Variants in SETD1B observed in about 807,000 individuals in gnomAD.
The protein encoded by SETD1B is SET domain containing 1B, histone lysine methyltransferase, also known as histone-lysine N-methyltransferase SETD1B.
A neutral mutation model predicts 148.0 loss-of-function variants in SETD1B; 7 were observed. That is an observed-to-expected ratio of 0.05 (90% CI 0.03 to 0.09). The LOEUF (loss-of-function observed/expected upper bound fraction) is 0.09, where lower values mean the gene tolerates loss of function less well. SETD1B is among the 10% of genes least tolerant of loss of function. The pLI, the probability that SETD1B is intolerant of heterozygous loss-of-function variation, is 1.00. For missense variants in SETD1B, 2,155 were observed against 2,729.9 expected (o/e 0.79, Z 4.69); for synonymous variants, 1,361 against 1,186.5 (o/e 1.15, Z -3.02).
chr12:121,805,755 CGGGCG>C lies in SETD1B; in HGVS notation c.274-71_274-67del. On this transcript the variant is annotated intron_variant, in intron 3 of 16. Coordinates refer to ENST00000604567, the MANE Select transcript of SETD1B (RefSeq NM_001353345.2). This position sits in a 1 kb window ranked among gnomAD's most constrained non-coding sequence, Gnocchi z 4.2. ...TTGTTTTCAACGGGTGGGCGAGTTG[CGGGCG>C]GGGCGGGGGGGATGTTGTGTTTTCC... is the stretch of plus-strand genomic sequence containing the variant. The C allele has an allele frequency of 7.5e-7, 1 of 1,326,206 alleles. No homozygotes were observed. The highest frequency in any genetic ancestry group is 1.0e-6 in the Non-Finnish European group (1 of 993,362). The allele number at this position is 1,326,206 out of a possible 1,614,324, so 82.2% of individuals were successfully genotyped here.
chr12:121,807,557 A>C (rs1437032022), intron 4 of SETD1B, among the ~76,000 whole-genome samples: 1 of 152,094 alleles, frequency 6.6e-6, no homozygotes, highest in Admixed American at 6.5e-5. Flanking sequence ...TAGCTCCAGG[A>C]ACGTGTCTTT....
intron 12 of SETD1B, among the ~76,000 whole-genome samples, chr12:121,823,986 A>T (rs1876715038): frequency 1.3e-5 from 2 of 152,342 alleles, no homozygotes; most frequent in Middle Eastern, 6.8e-3. Flanking sequence ...CCCCAGAGTT[A>T]GCAGGTCTCA....
chr12:121,817,812 A>G lies in SETD1B; in HGVS notation c.3326A>G (p.Asp1109Gly). 2 of 1,550,336 alleles carry G rather than the reference A, an allele frequency of 1.3e-6. No individual in the cohort carries two copies. Among genetic ancestry groups the G allele is most frequent in the Non-Finnish European group, 1.7e-6 (2 of 1,146,304 alleles). The part of the protein sequence containing the change: ...SSTSDKDDDD[D>G]DSDDRDESEN... Reference sequence around the variant, plus strand: ...CTTCTCCCCCAGGATGACGACGATGACGACAGTGATGACCGGGACGAGTCT... The same window carrying G: ...CTTCTCCCCCAGGATGACGACGATGGCGACAGTGATGACCGGGACGAGTCT... The change falls in exon 10 of 17, where the codon GAC (aspartate) becomes GGC (glycine). Residue 1109 changes from aspartate (D) to glycine (G), a missense_variant. Physicochemically the swap from Asp to Gly is moderately conservative, Grantham distance 94. Coordinates refer to ENST00000604567, the MANE Select transcript of SETD1B (RefSeq NM_001353345.2). This position sits in a 1 kb window ranked among gnomAD's most constrained non-coding sequence, Gnocchi z 8.1.
chr12:121,803,798 A>T (rs1875538019), upstream of SETD1B: 2 of 150,978 alleles, frequency 1.3e-5, no homozygotes, highest in Admixed American at 1.3e-4. The surrounding 1 kb of genome is among the most constrained non-coding windows in gnomAD (Gnocchi z 4.7). Flanking sequence ...AAAAATAAAT[A>T]AATTAAAAGG....
At chr12:121,819,198 C>G (rs181957159) in intron 10 of SETD1B, among the ~76,000 whole-genome samples, 1 of 152,094 alleles carries the variant, frequency 6.6e-6, no homozygotes, top group African/African-American at 2.4e-5. Context: ...GAGCCGAGAT[C>G]GTGCCACTGC....
At chr12:121,815,859 A>C (rs940754723) in intron 7 of SETD1B, among the ~76,000 whole-genome samples, 3 of 116,424 alleles carry the variant, frequency 2.6e-5, no homozygotes, top group Admixed American at 2.3e-4. Flanking sequence ...ATGGAGTCTC[A>C]CTCTGTCACC....
chr12:121,827,400 T>C, intron 13 of SETD1B, 119 bp from the exon 14 acceptor site: 1 of 1,261,366 alleles, frequency 7.9e-7, no homozygotes, highest in Non-Finnish European at 1.1e-6. Context: ...GACCGACAGG[T>C]GTGGAGAAGC....
chr12:121,790,934 C>T, the SETD1B span, among the ~76,000 whole-genome samples: 5 of 152,226 alleles, frequency 3.3e-5, no homozygotes, highest in East Asian at 5.8e-4. Flanking sequence ...AGTGCAGTAG[C>T]GTGATCTTGA....
the SETD1B span, chr12:121,797,226 C>T: frequency 5.6e-6 from 2 of 357,898 alleles, no homozygotes; most frequent in Admixed American, 3.8e-5. Flanking sequence ...CACGCTAGGG[C>T]TCCGGGCGGA....
In SETD1B at chr12:121,817,131, G is replaced by A. The variant is rs1011776632; in HGVS notation, c.2814G>A (p.Lys938=). 2 of 1,548,932 alleles carry A rather than the reference G, an allele frequency of 1.3e-6. No homozygotes were observed. The highest frequency in any genetic ancestry group is 2.4e-5 in the East Asian group (1 of 40,912). Residue 938 remains lysine (K), a synonymous_variant, in exon 8 of 17, where the codon AAG becomes AAA. Transcript: ENST00000604567. The surrounding 1 kb of genome is among the most constrained non-coding windows in gnomAD (Gnocchi z 8.1). ...IASCLLESWG[K]GEGLGYEGLG... is the part of the protein sequence containing the mutation. ...CGTGCCTGCTGGAGTCATGGGGCAAGGGCGAGGGCCTGGGCTACGAGGGCC... is the reference window on the plus strand; with the variant it reads ...CGTGCCTGCTGGAGTCATGGGGCAAAGGCGAGGGCCTGGGCTACGAGGGCC...
chr12:121,797,572 C>G, the SETD1B span: 1 of 456,584 alleles, frequency 2.2e-6, no homozygotes, highest in Non-Finnish European at 4.4e-6. Flanking sequence ...CAGACCACAG[C>G]TGAGCACCCA....
Position 121,809,722 on chromosome 12 carries a change from C to T in SETD1B, c.777C>T (p.Ser259=), listed in dbSNP as rs572642699. Residue 259 remains serine (S), a synonymous_variant, in exon 6 of 17, where the codon TCC becomes TCT. Transcript: ENST00000604567. ...GTPFSQDTAY[S]SCRLDTPNSY... ...CCTTCTCCCAGGACACAGCTTATTC[C>T]AGCTGCCGCCTGGACACACCCAACT... The T allele has an allele frequency of 2.6e-6, 4 of 1,551,592 alleles. No homozygotes were observed. The highest frequency in any genetic ancestry group is 2.4e-5 in the East Asian group (1 of 40,918).
At chr12:121,829,387 G>A (rs1328075190) in intron 16 of SETD1B, among the ~76,000 whole-genome samples, 1 of 152,202 alleles carries the variant, frequency 6.6e-6, no homozygotes, top group Non-Finnish European at 1.5e-5. Context: ...ACCGGCCCTG[G>A]TTGGGGCCAG....
intron 6 of SETD1B, 59 bp from the exon 7 acceptor site, chr12:121,814,047 T>C: frequency 2.1e-6 from 3 of 1,399,920 alleles, no homozygotes; most frequent in Non-Finnish European, 2.9e-6. Flanking sequence ...CAGAGGGGAC[T>C]CCGAGAGCCC....
In SETD1B at chr12:121,817,863, T is replaced by C. The variant is rs915384514; in HGVS notation, c.3377T>C (p.Leu1126Pro). The C allele has an allele frequency of 1.3e-6, 2 of 1,550,832 alleles. No individual in the cohort carries two copies. The highest frequency in any genetic ancestry group is 1.7e-6 in the Non-Finnish European group (2 of 1,146,668). ...GAGAACGATGACGAGGACACAGCCC[T>C]GTCAGAGGCGAGTGAGAAGGACGAA... ...ESENDDEDTA[L>P]SEASEKDEGD... Residue 1126 changes from leucine (L) to proline (P), a missense_variant, in exon 10 of 17, where the codon CTG becomes CCG. By Grantham distance (98) the Leu-to-Pro change is moderately conservative. Transcript: ENST00000604567. This position sits in a 1 kb window ranked among gnomAD's most constrained non-coding sequence, Gnocchi z 8.1.
intron 16 of SETD1B, among the ~76,000 whole-genome samples, chr12:121,828,379 C>T (rs925451530): frequency 5.3e-5 from 8 of 152,246 alleles, no homozygotes; most frequent in African/African-American, 1.4e-4. Flanking sequence ...GCCTTTTCTC[C>T]GTGCCTTCAT....
At chr12:121,819,226 A>G (rs1203833537) in intron 10 of SETD1B, among the ~76,000 whole-genome samples, 178 bp from the exon 11 acceptor site, 1 of 152,230 alleles carries the variant, frequency 6.6e-6, no homozygotes, top group African/African-American at 2.4e-5. Context: ...TCTGGGCAAC[A>G]AGAGCAAAAC....
In SETD1B at chr12:121,830,032, C is replaced by T. The variant is rs1425017586; in HGVS notation, c.5728-34C>T. 1 of 1,536,288 alleles carries T rather than the reference C, an allele frequency of 6.5e-7. No homozygotes were observed. Among genetic ancestry groups the T allele is most frequent in the South Asian group, 1.2e-5 (1 of 82,960 alleles). ...GCAGTGGTGGGGGACCCTGGGGGAC[C>T]AGGGGCTCATTCTCCCCCCCACCTT... is the stretch of plus-strand genomic sequence containing the variant. On this transcript the variant is annotated intron_variant, in intron 16 of 16. Transcript: ENST00000604567. This position sits in a 1 kb window ranked among gnomAD's most constrained non-coding sequence, Gnocchi z 5.7.
At chr12:121,807,911 G>A (rs1475945924) in intron 4 of SETD1B, among the ~76,000 whole-genome samples, 1 of 151,994 alleles carries the variant, frequency 6.6e-6, no homozygotes, top group Non-Finnish European at 1.5e-5. Context: ...AGGGGTGGGG[G>A]GGGGCTGGGC....
Sources: gnomAD v4.1 joint callset for allele counts (sites outside exome capture counted in the v4.1 genomes callset) on GRCh38, gnomAD v4.1.1 for gene constraint, Gnocchi (gnomAD v3.1) non-coding constraint, MANE v1.5 for transcripts, NCBI Gene and HGNC (gene_info 2026-07-23, HGNC 2026-07-21) for gene names.